The following NOD2 variants were observed in gnomAD, a reference collection of about 807,000 sequenced individuals.
NOD2 encodes the protein nucleotide-binding oligomerization domain-containing protein 2.
In NOD2, 86 loss-of-function variants were observed where a neutral mutation model predicts 90.9. That is an observed-to-expected ratio of 0.95 (90% CI 0.79 to 1.13). NOD2 has a LOEUF of 1.13. Ranked by LOEUF, NOD2 falls within the 50% of genes most tolerant of loss-of-function variation. NOD2 has a pLI of 0.00. For missense variants in NOD2, 1,238 were observed against 1,283.8 expected (o/e 0.96, Z 0.55); for synonymous variants, 581 against 554.6 (o/e 1.05, Z -0.67).
chr16:50,718,950 G>A (rs1198663221), intron 6 of NOD2, among the ~76,000 whole-genome samples: 1 of 152,186 alleles, frequency 6.6e-6, no homozygotes, highest in African/African-American at 2.4e-5. Context: ...GCTGGGAGGT[G>A]TGTCCCTGAG....
chr16:50,716,885 GAACAGTCTATTCAACAACAAA>G lies in NOD2; in HGVS notation c.2466-5_2481del. ...TCTGTGTCTCCTCTCTTCTGGAACT[GAACAGTCTATTCAACAACAAA>G]TTGACTGACGGCTGTGCACACTCCA... On this transcript the variant is annotated splice_acceptor_variant and splice_polypyrimidine_tract_variant and coding_sequence_variant and intron_variant, in exon 6 of 12. Coordinates refer to ENST00000647318, the MANE Select transcript of NOD2 (RefSeq NM_001370466.1). LOFTEE classifies it high-confidence loss of function. 1 of 1,613,752 alleles carries G rather than the reference GAACAGTCTATTCAACAACAAA, an allele frequency of 6.2e-7. No homozygotes were observed. The highest frequency in any genetic ancestry group is 1.1e-5 in the South Asian group (1 of 91,064).
chr16:50,726,069 A>G (rs9921146), intron 10 of NOD2, among the ~76,000 whole-genome samples: 3 of 151,862 alleles, frequency 2.0e-5, no homozygotes, highest in African/African-American at 7.3e-5. Flanking sequence ...CAGAGAGTGG[A>G]AGGTCTTCTC....
Position 50,699,927 on chromosome 16 carries a change from G to A in NOD2, c.432G>A (p.Arg144=). ...FVSQYECDEI[R]LPIFTPSQRA... Reference sequence around the variant, plus strand: ...GCCAGTATGAATGTGATGAAATCAGGTTGCCGATCTTCACACCGTCCCAGA... The same window carrying A: ...GCCAGTATGAATGTGATGAAATCAGATTGCCGATCTTCACACCGTCCCAGA... Residue 144 remains arginine, a synonymous_variant, in exon 2 of 12, where the codon AGG becomes AGA. Coordinates refer to ENST00000647318, the MANE Select transcript of NOD2 (RefSeq NM_001370466.1). 6.2e-7 allele frequency: 1 copy of A among 1,609,668 alleles called. No individual in the cohort carries two copies. Among genetic ancestry groups the A allele is most frequent in the Non-Finnish European group, 8.5e-7 (1 of 1,179,982 alleles).
intron 3 of NOD2, among the ~76,000 whole-genome samples, chr16:50,709,280 G>A (rs1964350040): frequency 6.6e-6 from 1 of 152,200 alleles, no homozygotes; most frequent in Non-Finnish European, 1.5e-5. Context: ...TTGTGTGACT[G>A]CAGATAGTCA....
At chr16:50,693,766 C>T (rs950803150) in intron 1 of NOD2, 104 bp downstream of exon 1, 61 of 152,280 alleles carry the variant, frequency 4.0e-4, no homozygotes, top group African/African-American at 1.4e-3. Context: ...CCGTCCTGGC[C>T]GCAGGGCTTG....
At position 50,731,786 on chromosome 16, in the gene NOD2, G is replaced by A; in HGVS notation, c.3009G>A (p.Lys1003=). 1 of 1,613,964 alleles carries A rather than the reference G, an allele frequency of 6.2e-7. No homozygotes were observed. The highest frequency in any genetic ancestry group is 8.5e-7 in the Non-Finnish European group (1 of 1,179,848). The change falls in exon 12 of 12, where the codon AAG becomes AAA. Residue 1003 remains lysine, a synonymous_variant. Transcript: ENST00000647318. ...GNTFSLEEVD[K]LGCRDTRLLL ...CTTTCTCTCTAGAGGAGGTTGACAAGCTCGGCTGCAGGGACACCAGACTCT... is the reference window on the plus strand; with the variant it reads ...CTTTCTCTCTAGAGGAGGTTGACAAACTCGGCTGCAGGGACACCAGACTCT...
Position 50,695,164 on chromosome 16 carries a change from G to C in NOD2, c.-9+1502G>C, listed in dbSNP as rs367809955. Among the ~76,000 whole-genome samples the C allele has an allele frequency of 5.1e-4, 78 of 151,910 alleles. 1 individual carries two copies. The highest frequency in any genetic ancestry group is 1.8e-3 in the African/African-American group (73 of 41,396). On this transcript the variant is annotated intron_variant, in intron 1 of 11. Transcript: ENST00000647318. ...TGGGGTGGAGAATGGATCATGGGGG[G>C]GGTGGGGTAAGGGCAGAAGGAGAGC...
At position 50,708,050 on chromosome 16, in the gene NOD2, A is replaced by G; in HGVS notation, c.565+90A>G. 5 of 886,708 alleles carry G rather than the reference A, an allele frequency of 5.6e-6. No individual in the cohort carries two copies. In the South Asian group the frequency reaches 6.7e-5, roughly 12 times the overall value. The allele number at this position is 886,708 out of a possible 1,614,324, so 54.9% of individuals were successfully genotyped here. A position where few individuals can be genotyped will look rare whatever the true frequency, so the allele number is the denominator to read the frequency against. ...CAGAACACACCTCGGTTAACATCCC[A>G]TATGCTGGCAGTATAGCCTCCCTAT... On this transcript the variant is annotated intron_variant, in intron 3 of 11. Coordinates refer to ENST00000647318, the MANE Select transcript of NOD2 (RefSeq NM_001370466.1).
At chr16:50,723,161 AG>A in intron 8 of NOD2, 139 bp from the exon 9 acceptor site, 1 of 655,156 alleles carries the variant, frequency 1.5e-6, no homozygotes, top group South Asian at 1.7e-5. Context: ...AAAAGAAAAA[AG>A]AAAGAGCACC....
At chr16:50,706,922 T>G (rs911655186) in intron 2 of NOD2, among the ~76,000 whole-genome samples, 1 of 152,150 alleles carries the variant, frequency 6.6e-6, no homozygotes, top group Non-Finnish European at 1.5e-5. Context: ...GGTCTGGAAC[T>G]CCGGACCTTA....
chr16:50,711,645 T>C lies in NOD2; in HGVS notation c.1653T>C (p.Asp551=). 3 of 1,612,708 alleles carry C rather than the reference T, an allele frequency of 1.9e-6. No individual in the cohort carries two copies. Among genetic ancestry groups the C allele is most frequent in the Middle Eastern group, 1.7e-4 (1 of 6,060 alleles). The change falls in exon 4 of 12, where the codon GAT becomes GAC. Residue 551 remains aspartate (D), a synonymous_variant. Transcript: ENST00000647318. The part of the protein sequence containing the change: ...QQLQAAQVSP[D]DISLGFLVRA... ...TCCAGGCAGCACAGGTCAGCCCTGATGACATTTCTCTTGGCTTCCTGGTGC... is the reference window on the plus strand; with the variant it reads ...TCCAGGCAGCACAGGTCAGCCCTGACGACATTTCTCTTGGCTTCCTGGTGC...
At chr16:50,708,770 G>T (rs13380733) in intron 3 of NOD2, among the ~76,000 whole-genome samples, 1 of 152,104 alleles carries the variant, frequency 6.6e-6, no homozygotes, top group African/African-American at 2.4e-5. Flanking sequence ...ATCACCCTGG[G>T]CTGTGTCCTC....
intron 10 of NOD2, among the ~76,000 whole-genome samples, chr16:50,728,763 C>A (rs1411196098): frequency 1.3e-5 from 2 of 152,100 alleles, no homozygotes; most frequent in Non-Finnish European, 2.9e-5. Flanking sequence ...AAAAGAGCAA[C>A]CTGGGAAACA....
chr16:50,716,883 C>T lies in NOD2; in HGVS notation c.2466-8C>T. 1 of 1,613,502 alleles carries T rather than the reference C, an allele frequency of 6.2e-7. No homozygotes were observed. Among genetic ancestry groups the T allele is most frequent in the Non-Finnish European group, 8.5e-7 (1 of 1,179,356 alleles). On this transcript the variant is annotated splice_region_variant and splice_polypyrimidine_tract_variant and intron_variant, in intron 5 of 11. Transcript: ENST00000647318. ...CTTCTGTGTCTCCTCTCTTCTGGAA[C>T]TGAACAGTCTATTCAACAACAAATT... is the stretch of plus-strand genomic sequence containing the variant.
rs1056234534 is a variant in NOD2 at position 50,711,073 on chromosome 16, T to C, written c.1081T>C (p.Phe361Leu). ...TGGCTTTGACGAGTTCAAGTTCAGG[T>C]TCACGGATCGTGAACGCCACTGCTC... Reference protein sequence around the residue: ...FDGFDEFKFRFTDRERHCSPT... With the variant: ...FDGFDEFKFRLTDRERHCSPT... The change falls in exon 4 of 12, where the codon TTC becomes CTC. Residue 361 changes from phenylalanine (F) to leucine (L), a missense_variant. Physicochemically the swap from Phe to Leu is conservative, Grantham distance 22. Around this residue, in one of 3 missense-constraint regions of NOD2, gnomAD observed 567 missense variants for 577.3 expected, o/e 0.98. Transcript: ENST00000647318. 6.2e-7 allele frequency: 1 copy of C among 1,613,932 alleles called. No homozygotes were observed. Among genetic ancestry groups the C allele is most frequent in the African/African-American group, 1.3e-5 (1 of 74,886 alleles).
chr16:50,718,199 G>A (rs1431309723), intron 6 of NOD2, among the ~76,000 whole-genome samples: 2 of 152,208 alleles, frequency 1.3e-5, no homozygotes, highest in Non-Finnish European at 2.9e-5. Flanking sequence ...GGTGGATGAC[G>A]CATGCAGCAC....
intron 3 of NOD2, among the ~76,000 whole-genome samples, chr16:50,709,678 C>G (rs895839151): frequency 6.6e-6 from 1 of 152,140 alleles, no homozygotes; most frequent in African/African-American, 2.4e-5. Context: ...CCAGATCAAT[C>G]AGGATCATCT....
chr16:50,719,353 G>A (rs1964937529), intron 6 of NOD2, among the ~76,000 whole-genome samples: 1 of 152,176 alleles, frequency 6.6e-6, no homozygotes, highest in African/African-American at 2.4e-5. Flanking sequence ...GGGCTTCTCC[G>A]AAGCTCTCCG....
intron 10 of NOD2, among the ~76,000 whole-genome samples, chr16:50,725,816 G>T (rs1222098030): frequency 6.6e-6 from 1 of 152,136 alleles, no homozygotes; most frequent in African/African-American, 2.4e-5. Flanking sequence ...CAATAAAGGG[G>T]AGTTATCAAG....
Sources: gnomAD v4.1 joint callset for allele counts (sites outside exome capture counted in the v4.1 genomes callset) on GRCh38, gnomAD v4.1.1 for gene constraint, gnomAD v4.1.1 regional missense constraint, MANE v1.5 for transcripts, NCBI Gene and HGNC (gene_info 2026-07-23, HGNC 2026-07-21) for gene names.